Variants in SCAPER observed in about 807,000 individuals in gnomAD.
SCAPER encodes S phase cyclin A-associated protein in the endoplasmic reticulum.
Under a neutral mutation model 182.2 loss-of-function variants are expected in SCAPER, and 98 were observed. That is an observed-to-expected ratio of 0.54 (90% CI 0.46 to 0.64). The LOEUF is 0.64. SCAPER is among the 30% of genes least tolerant of loss of function. The probability of loss-of-function intolerance (pLI) is 0.00; values close to 1 mark genes in which losing one functional copy is unlikely to be tolerated. For missense variants in SCAPER, 1,432 were observed against 1,690.0 expected, an observed-to-expected ratio of 0.85 and a Z score of 2.68; for synonymous variants, 605 against 564.6, an observed-to-expected ratio of 1.07 and a Z score of -1.01.
Position 76,482,406 on chromosome 15 carries a change from A to G in SCAPER, c.2955-11071T>C, listed in dbSNP as rs957694856. On this transcript the variant is annotated intron_variant, in intron 24 of 31. Coordinates refer to ENST00000563290, the MANE Select transcript of SCAPER (RefSeq NM_020843.4). ...TGAATTATTAAAGAGCATCTATAAG[A>G]AACTGTAGCTAACATCTTATTTAAT... is the stretch of plus-strand genomic sequence containing the variant. Among the ~76,000 whole-genome samples, 5 of 152,318 alleles carry G rather than the reference A, an allele frequency of 3.3e-5. No individual in the cohort carries two copies. In the East Asian group the frequency reaches 9.6e-4, roughly 29 times the overall value.
At chr15:76,623,349 G>C (rs2052274236) in intron 21 of SCAPER, among the ~76,000 whole-genome samples, 2 of 152,076 alleles carry the variant, frequency 1.3e-5, no homozygotes, top group Admixed American at 1.3e-4. Context: ...TATTCCCTAG[G>C]CTTTCTTCTA....
chr15:76,374,913 G>C (rs2042441129), intron 29 of SCAPER, among the ~76,000 whole-genome samples: 1 of 151,424 alleles, frequency 6.6e-6, no homozygotes, highest in Non-Finnish European at 1.5e-5. Flanking sequence ...ATCTATAACA[G>C]ATTTTCCAGC....
chr15:76,461,542 T>G lies in SCAPER; in HGVS notation c.3078+9670A>C, dbSNP rs1468401370. Among the ~76,000 whole-genome samples, 4 of 152,112 alleles carry G rather than the reference T, an allele frequency of 2.6e-5. No homozygotes were observed. The East Asian group carries it at 7.7e-4, about 29-fold the overall frequency. On this transcript the variant is annotated intron_variant, in intron 25 of 31. Transcript: ENST00000563290. ...TTATTAATTCATATAGTAAGTTTTTTATTTCAGGTATTGTATTTTCTAGTT... is the reference window on the plus strand; with the variant it reads ...TTATTAATTCATATAGTAAGTTTTTGATTTCAGGTATTGTATTTTCTAGTT...
chr15:76,463,917 G>A (rs1200370261), intron 25 of SCAPER, among the ~76,000 whole-genome samples: 2 of 150,790 alleles, frequency 1.3e-5, no homozygotes, highest in Non-Finnish European at 2.9e-5. Context: ...ATCTCAATTT[G>A]CTCATCAGTA....
chr15:76,764,641 A>T (rs151032649), intron 14 of SCAPER, among the ~76,000 whole-genome samples: 72 of 152,364 alleles, frequency 4.7e-4, no homozygotes, highest in African/African-American at 1.6e-3. Flanking sequence ...ACAAACTGAT[A>T]GTCTTAGGCT....
At chr15:76,711,467 T>G (rs1449737293) in intron 17 of SCAPER, among the ~76,000 whole-genome samples, 1 of 152,092 alleles carries the variant, frequency 6.6e-6, no homozygotes, top group African/African-American at 2.4e-5. Flanking sequence ...ATTAAAATAA[T>G]GAAATACGAC....
intron 5 of SCAPER, among the ~76,000 whole-genome samples, chr15:76,815,605 C>T (rs909214268): frequency 6.6e-6 from 1 of 152,302 alleles, no homozygotes. Context: ...GAACCTGACC[C>T]GCACAACAGG....
At chr15:76,594,158 A>G (rs1315905390) in intron 22 of SCAPER, among the ~76,000 whole-genome samples, 1 of 119,660 alleles carries the variant, frequency 8.4e-6, no homozygotes, top group Non-Finnish European at 2.0e-5. Flanking sequence ...GAAAAACACA[A>G]CACGAGAACT....
In SCAPER at chr15:76,361,672, A is replaced by G. The variant is rs535726920; in HGVS notation, c.3856-7532T>C. Among the ~76,000 whole-genome samples the G allele has an allele frequency of 3.9e-5, 6 of 152,366 alleles. 1 individual carries two copies. The highest frequency in any genetic ancestry group is 1.4e-4 in the African/African-American group (6 of 41,592). On this transcript the variant is annotated intron_variant, in intron 29 of 31. Transcript: ENST00000563290. ...AAAATTATTTTAAGCAGACATGAGA[A>G]TTCAAAAAGTTGCCTAGAATCATTT...
At chr15:76,654,403 G>C (rs181117220) in intron 21 of SCAPER, among the ~76,000 whole-genome samples, 1 of 152,032 alleles carries the variant, frequency 6.6e-6, no homozygotes, top group Non-Finnish European at 1.5e-5. Context: ...GCGAGACTCC[G>C]TCTCAAAACA....
intron 20 of SCAPER, among the ~76,000 whole-genome samples, chr15:76,677,323 C>T (rs534519557): frequency 6.6e-6 from 1 of 152,104 alleles, no homozygotes; most frequent in African/African-American, 2.4e-5. Flanking sequence ...AATAGGGACA[C>T]TGTTTTTATT....
intron 22 of SCAPER, among the ~76,000 whole-genome samples, chr15:76,584,471 CTGA>C (rs745402932): frequency 6.0e-5 from 9 of 150,406 alleles, no homozygotes; most frequent in Non-Finnish European, 1.2e-4. Context: ...CCCATTTACC[CTGA>C]TGTGATTATT....
At chr15:76,715,572 C>G (rs1476523412) in intron 17 of SCAPER, among the ~76,000 whole-genome samples, 1 of 152,066 alleles carries the variant, frequency 6.6e-6, no homozygotes, top group Non-Finnish European at 1.5e-5. Context: ...CCATTCCTGG[C>G]TCCTTGTTGC....
chr15:76,503,785 A>G (rs1290600364), intron 24 of SCAPER, among the ~76,000 whole-genome samples: 1 of 152,170 alleles, frequency 6.6e-6, no homozygotes, highest in East Asian at 1.9e-4. Context: ...TCCAAAGCCA[A>G]TGCTATTTCT....
At chr15:76,722,671 A>G (rs1480856959) in intron 17 of SCAPER, among the ~76,000 whole-genome samples, 2 of 152,042 alleles carry the variant, frequency 1.3e-5, no homozygotes, top group Admixed American at 6.6e-5. Context: ...TGTATGTGTC[A>G]AGGAATTTAT....
At chr15:76,443,056 T>C (rs1385065238) in intron 25 of SCAPER, among the ~76,000 whole-genome samples, 1 of 152,116 alleles carries the variant, frequency 6.6e-6, no homozygotes, top group Non-Finnish European at 1.5e-5. Context: ...ACTGAGGGAA[T>C]CACCTTCTAA....
At position 76,700,975 on chromosome 15, in the gene SCAPER, A is replaced by G. The variant is rs954304351; in HGVS notation, c.2508+783T>C. Among the ~76,000 whole-genome samples, 22 of 152,180 alleles carry G rather than the reference A, an allele frequency of 1.4e-4. 1 individual carries two copies. Among genetic ancestry groups the G allele is most frequent in the Admixed American group, 1.1e-3 (17 of 15,278 alleles). On this transcript the variant is annotated intron_variant, in intron 20 of 31. Coordinates refer to ENST00000563290, the MANE Select transcript of SCAPER (RefSeq NM_020843.4). Reference sequence around the variant, plus strand: ...GTAGGAGGGGGCATAAGAGGAGCCCAAAGGGTACAACAAATGATCTATATT... The same window carrying G: ...GTAGGAGGGGGCATAAGAGGAGCCCGAAGGGTACAACAAATGATCTATATT...
At chr15:76,534,144 T>A (rs1264798795) in intron 23 of SCAPER, among the ~76,000 whole-genome samples, 1 of 152,220 alleles carries the variant, frequency 6.6e-6, no homozygotes, top group Non-Finnish European at 1.5e-5. Flanking sequence ...GACTCAGTTA[T>A]GTTGAGGCCA....
intron 14 of SCAPER, among the ~76,000 whole-genome samples, chr15:76,758,662 T>C (rs3102716): frequency 6.6e-6 from 1 of 151,992 alleles, no homozygotes; most frequent in African/African-American, 2.4e-5. Context: ...ACTGAAATTG[T>C]AGATCACTTA....
Sources: allele counts gnomAD v4.1 joint callset (sites outside exome capture counted in the v4.1 genomes callset), GRCh38; gene constraint gnomAD v4.1.1; transcripts MANE v1.5; gene names NCBI Gene and HGNC (gene_info 2026-07-23, HGNC 2026-07-21).